Variants in TAFA4 observed in about 807,000 individuals in gnomAD.
The protein encoded by TAFA4 is TAFA chemokine like family member 4.
In TAFA4, 20 loss-of-function variants were observed where a neutral mutation model predicts 21.1. The ratio of observed to expected loss-of-function variants is 0.95; its 90% CI spans 0.67 to 1.38. TAFA4 has a LOEUF of 1.38. Ranked by LOEUF, TAFA4 falls within the 40% of genes most tolerant of loss-of-function variation. The pLI is 0.00. For synonymous variants in TAFA4, 71 were observed against 67.4 expected (o/e 1.05, Z -0.26); for missense variants, 211 against 180.9 (o/e 1.17, Z -0.95).
intron 3 of TAFA4, among the ~76,000 whole-genome samples, chr3:68,786,164 G>A (rs1220861384): frequency 1.3e-5 from 2 of 152,126 alleles, no homozygotes; most frequent in African/African-American, 4.8e-5. Flanking sequence ...TTTTAAAAAA[G>A]TAGATATAAG....
At position 68,902,321 on chromosome 3, in the gene TAFA4, C is replaced by G. The variant is rs114521724; in HGVS notation, c.-122-17011G>C. Among the ~76,000 whole-genome samples, 182 of 152,242 alleles carry G rather than the reference C, an allele frequency of 1.2e-3. 2 individuals carry two copies. The highest frequency in any genetic ancestry group is 4.3e-3 in the African/African-American group (180 of 41,550). On this transcript the variant is annotated intron_variant, in intron 1 of 5. Transcript: ENST00000295569. The stretch of plus-strand genomic sequence containing the variant: ...TCCACAATCAATGCATTCACTCTTC[C>G]CTCTCTTTTACCCATACCACCATTT...
chr3:68,749,026 G>T (rs1474152908), intron 4 of TAFA4, among the ~76,000 whole-genome samples: 2 of 152,172 alleles, frequency 1.3e-5, no homozygotes. Context: ...GATTCACAAA[G>T]AAGAATGCTT....
At chr3:68,917,632 T>A (rs2090016136) in intron 1 of TAFA4, among the ~76,000 whole-genome samples, 1 of 151,466 alleles carries the variant, frequency 6.6e-6, no homozygotes, top group South Asian at 2.1e-4. Context: ...CACATTCCTG[T>A]AATCCCAGCT....
At chr3:68,879,498 A>G (rs993271805) in intron 3 of TAFA4, among the ~76,000 whole-genome samples, 4 of 152,184 alleles carry the variant, frequency 2.6e-5, no homozygotes, top group Admixed American at 6.5e-5. Context: ...AAGAAAAGAG[A>G]TAAGATTGAG....
intron 1 of TAFA4, among the ~76,000 whole-genome samples, chr3:68,908,936 A>C (rs560582440): frequency 2.0e-5 from 3 of 152,336 alleles, no homozygotes; most frequent in African/African-American, 7.2e-5. Context: ...CCCATCTGAC[A>C]GCGCTTCCCA....
At chr3:68,878,701 C>T (rs1424074926) in intron 3 of TAFA4, among the ~76,000 whole-genome samples, 2 of 152,172 alleles carry the variant, frequency 1.3e-5, no homozygotes, top group African/African-American at 4.8e-5. Flanking sequence ...TATGTGATCT[C>T]CTGCCTGCTC....
chr3:68,748,625 T>G (rs1702505211), intron 4 of TAFA4, among the ~76,000 whole-genome samples: 1 of 151,826 alleles, frequency 6.6e-6, no homozygotes, highest in Non-Finnish European at 1.5e-5. Context: ...GCACCTGTAG[T>G]CCCAGCTACT....
At chr3:68,842,482 A>G (rs1205782120) in intron 3 of TAFA4, among the ~76,000 whole-genome samples, 1 of 152,076 alleles carries the variant, frequency 6.6e-6, no homozygotes, top group East Asian at 1.9e-4. Flanking sequence ...ATTTTCTCCC[A>G]TTCTGTAGGT....
intron 3 of TAFA4, among the ~76,000 whole-genome samples, chr3:68,789,209 C>T (rs868398545): frequency 5.5e-5 from 8 of 146,580 alleles, no homozygotes; most frequent in African/African-American, 1.5e-4. Flanking sequence ...CCAGCCTGGG[C>T]GACAGAGTGA....
At chr3:68,750,297 T>C (rs1702536390) in intron 4 of TAFA4, among the ~76,000 whole-genome samples, 1 of 152,172 alleles carries the variant, frequency 6.6e-6, no homozygotes, top group African/African-American at 2.4e-5. Context: ...ACCCTATCAT[T>C]ATTTTTAAAA....
At chr3:68,794,996 C>A (rs927539034) in intron 3 of TAFA4, among the ~76,000 whole-genome samples, 8 of 97,378 alleles carry the variant, frequency 8.2e-5, no homozygotes, top group Non-Finnish European at 1.7e-4. Context: ...AGATTTGTGT[C>A]TCAATACACA....
At chr3:68,903,892 C>T (rs963259396) in intron 1 of TAFA4, among the ~76,000 whole-genome samples, 1 of 152,114 alleles carries the variant, frequency 6.6e-6, no homozygotes, top group Non-Finnish European at 1.5e-5. Context: ...CGCAATATCA[C>T]AGCTGCCTCC....
chr3:68,830,438 G>A (rs1020575998), intron 3 of TAFA4, among the ~76,000 whole-genome samples: 13 of 152,168 alleles, frequency 8.5e-5, no homozygotes, highest in East Asian at 1.9e-4. Context: ...CCTTCATTTC[G>A]TTATTTACCC....
intron 3 of TAFA4, among the ~76,000 whole-genome samples, chr3:68,795,229 C>G (rs1703432827): frequency 2.0e-5 from 3 of 151,282 alleles, no homozygotes; most frequent in African/African-American, 7.3e-5. Context: ...ATACTGATAA[C>G]AGAGAGGGTA....
At chr3:68,863,702 A>G (rs1484648116) in intron 3 of TAFA4, among the ~76,000 whole-genome samples, 1 of 152,170 alleles carries the variant, frequency 6.6e-6, no homozygotes, top group Non-Finnish European at 1.5e-5. Context: ...CACAGATGTG[A>G]TCTGTTTAAA....
Position 68,732,909 on chromosome 3 carries a change from C to T in TAFA4, c.*233G>A. On this transcript the variant is annotated 3_prime_UTR_variant, in exon 6 of 6. Transcript: ENST00000295569. ...TTTGGAGGTATGCTCCTTGGGAATC[C>T]AGAGAGGATGTCAAATGGGTGGTGG... 1 of 533,134 alleles carries T rather than the reference C, an allele frequency of 1.9e-6. No homozygotes were observed. Among genetic ancestry groups the T allele is most frequent in the Non-Finnish European group, 3.3e-6 (1 of 302,618 alleles). The allele number at this position is 533,134 out of a possible 1,614,324, so 33.0% of individuals were successfully genotyped here. A position where few individuals can be genotyped will look rare whatever the true frequency, so the allele number is the denominator to read the frequency against.
At chr3:68,855,989 C>T (rs1057313660) in intron 3 of TAFA4, among the ~76,000 whole-genome samples, 1 of 152,076 alleles carries the variant, frequency 6.6e-6, no homozygotes, top group Non-Finnish European at 1.5e-5. Flanking sequence ...TGTGTTCCCA[C>T]CACAACAAAA....
Position 68,912,580 on chromosome 3 carries a change from G to A in TAFA4, c.-123+19660C>T, listed in dbSNP as rs566369728. Among the ~76,000 whole-genome samples the A allele has an allele frequency of 4.3e-4, 65 of 152,318 alleles. 2 individuals are homozygous for A. The highest frequency in any genetic ancestry group is 1.5e-3 in the South Asian group (7 of 4,824). On this transcript the variant is annotated intron_variant, in intron 1 of 5. Transcript: ENST00000295569. The stretch of plus-strand genomic sequence containing the variant: ...CAGATGAGCGAGCGAGCGGCATGCC[G>A]TTAATCAAGTCTTACTCATCTGTGT...
chr3:68,879,569 T>C (rs910994126), intron 3 of TAFA4, among the ~76,000 whole-genome samples: 5 of 152,160 alleles, frequency 3.3e-5, no homozygotes, highest in African/African-American at 1.2e-4. Context: ...AATAACCAAC[T>C]AGCTGTGGGC....
Sources: allele counts gnomAD v4.1 joint callset (sites outside exome capture counted in the v4.1 genomes callset), GRCh38; gene constraint gnomAD v4.1.1; transcripts MANE v1.5; gene names NCBI Gene and HGNC (gene_info 2026-07-23, HGNC 2026-07-21).